The following DERL2 variants were observed in gnomAD, a reference collection of about 807,000 sequenced individuals.
DERL2 encodes derlin-2.
Under a neutral mutation model 32.0 loss-of-function variants are expected in DERL2, and 13 were observed. That is an observed-to-expected ratio of 0.41 (90% confidence interval 0.26 to 0.65). The LOEUF (loss-of-function observed/expected upper bound fraction) is 0.65, where lower values mean the gene tolerates loss of function less well. Among genes scored for constraint, DERL2 ranks in the 30% least tolerant of loss-of-function variants. The pLI, the probability that DERL2 is intolerant of heterozygous loss-of-function variation, is 0.35. For missense variants in DERL2, 208 were observed against 296.3 expected (o/e 0.70, Z 2.19); for synonymous variants, 111 against 104.7 (o/e 1.06, Z -0.37).
chr17:5,482,888 A>G lies in DERL2; in HGVS notation c.160-6T>C, dbSNP rs201457820. The G allele has an allele frequency of 4.1e-5, 55 of 1,337,994 alleles. No homozygotes were observed. Among genetic ancestry groups the G allele is most frequent in the Non-Finnish European group, 5.2e-5 (50 of 967,124 alleles). 82.9% of individuals were successfully genotyped at this position (1,337,994 alleles called of 1,614,324 possible). A position where few individuals can be genotyped will look rare whatever the true frequency, so the allele number is the denominator to read the frequency against. On this transcript the variant is annotated splice_region_variant and splice_polypyrimidine_tract_variant and intron_variant, in intron 2 of 6. Transcript: ENST00000158771. ...TTGGTGATTAATCTCCATATCTGTTAAAAAAAAATCAAGAGAAAGATGTAT... is the reference window on the plus strand; with the variant it reads ...TTGGTGATTAATCTCCATATCTGTTGAAAAAAAATCAAGAGAAAGATGTAT...
Position 5,474,600 on chromosome 17 carries a change from C to T in DERL2, c.*84G>A, listed in dbSNP as rs1305244878. 1 of 1,065,290 alleles carries T rather than the reference C, an allele frequency of 9.4e-7. No homozygotes were observed. The highest frequency in any genetic ancestry group is 1.4e-6 in the Non-Finnish European group (1 of 727,282). The allele number at this position is 1,065,290 out of a possible 1,614,324, so 66.0% of individuals were successfully genotyped here. On this transcript the variant is annotated 3_prime_UTR_variant, in exon 7 of 7. Transcript: ENST00000158771. The surrounding 1 kb of genome is among the most constrained non-coding windows in gnomAD (Gnocchi z 4.3). ...AATCTGCCAAGCTGTCAAAAGTGTCCACACTTTTGCAACAAAGGATAAAAG... is the reference window on the plus strand; with the variant it reads ...AATCTGCCAAGCTGTCAAAAGTGTCTACACTTTTGCAACAAAGGATAAAAG...
At chr17:5,485,998 A>C in intron 1 of DERL2, 71 bp downstream of exon 1, 2 of 1,458,018 alleles carry the variant, frequency 1.4e-6, no homozygotes, top group Non-Finnish European at 1.9e-6. Context: ...CCCGAGGCCC[A>C]AACCCCAGTT....
chr17:5,473,064 A>G lies in DERL2; in HGVS notation c.*1620T>C, dbSNP rs1485629382. 6.6e-6 allele frequency: 1 copy of G among 152,266 alleles called. No individual in the cohort carries two copies. Among genetic ancestry groups the G allele is most frequent in the Non-Finnish European group, 1.5e-5 (1 of 68,040 alleles). 9.4% of individuals were successfully genotyped at this position (152,266 alleles called of 1,614,324 possible). Reference sequence around the variant, plus strand: ...CATTAAAACACTTTTCACTTCAAAAACAATCTGAAAATTCCTATTTAGGAT... The same window carrying G: ...CATTAAAACACTTTTCACTTCAAAAGCAATCTGAAAATTCCTATTTAGGAT... On this transcript the variant is annotated 3_prime_UTR_variant, in exon 7 of 7. Coordinates refer to ENST00000158771, the MANE Select transcript of DERL2 (RefSeq NM_016041.5).
intron 2 of DERL2, among the ~76,000 whole-genome samples, chr17:5,483,695 T>C (rs1905953034): frequency 6.6e-6 from 1 of 152,210 alleles, no homozygotes; most frequent in African/African-American, 2.4e-5. Context: ...AAGTTGAACT[T>C]TTAAATGTCC....
chr17:5,478,883 G>A (rs1026766449), intron 6 of DERL2, among the ~76,000 whole-genome samples: 2 of 151,854 alleles, frequency 1.3e-5, no homozygotes, highest in South Asian at 2.1e-4. Flanking sequence ...GCAGTGGTGC[G>A]ATCTCGGCTC....
At chr17:5,480,321 A>T in intron 5 of DERL2, 66 bp downstream of exon 5, 1 of 1,502,272 alleles carries the variant, frequency 6.7e-7, no homozygotes, top group Non-Finnish European at 9.1e-7. Flanking sequence ...CAGAATAAAC[A>T]TGAAAAATAG....
chr17:5,474,743 G>C lies in DERL2; in HGVS notation c.661C>G (p.Leu221Val). The change falls in exon 7 of 7, where the codon CTA (leucine) becomes GTA (valine). Residue 221 changes from leucine (L) to valine (V), a missense_variant. Around this residue, in one of 3 missense-constraint regions of DERL2, gnomAD observed 40 missense variants for 38.7 expected, o/e 1.03. Coordinates refer to ENST00000158771, the MANE Select transcript of DERL2 (RefSeq NM_016041.5). The surrounding 1 kb of genome is among the most constrained non-coding windows in gnomAD (Gnocchi z 4.3). Reference protein sequence around the residue: ...TPDEDPNYNPLPEERPGGFAW... With the variant: ...TPDEDPNYNPVPEERPGGFAW... ...AAGCCTCCTGGCCGTTCCTCAGGTA[G>C]TGGATTGTAATTTGGATCCTCATCT... The C allele has an allele frequency of 6.2e-7, 1 of 1,613,936 alleles. No homozygotes were observed. The highest frequency in any genetic ancestry group is 2.2e-5 in the East Asian group (1 of 44,848).
rs1460184561 is a variant in DERL2, at chr17:5,471,494, A to C, written c.*3190T>G. The C allele has an allele frequency of 2.6e-5, 4 of 152,244 alleles. No individual in the cohort carries two copies. The highest frequency in any genetic ancestry group is 4.4e-5 in the Non-Finnish European group (3 of 68,046). The allele number at this position is 152,244 out of a possible 1,614,324, so 9.4% of individuals were successfully genotyped here. A position where few individuals can be genotyped will look rare whatever the true frequency, so the allele number is the denominator to read the frequency against. ...ATAGGGATTCAGAGACAGACAATAAAATAGGCCTTAGAGTCAAGATTTTTT... is the reference window on the plus strand; with the variant it reads ...ATAGGGATTCAGAGACAGACAATAACATAGGCCTTAGAGTCAAGATTTTTT... On this transcript the variant is annotated 3_prime_UTR_variant, in exon 7 of 7. Transcript: ENST00000158771.
At position 5,481,867 on chromosome 17, in the gene DERL2, C is replaced by T. The variant is rs1451588337; in HGVS notation, c.234-478G>A. Among the ~76,000 whole-genome samples, 1 of 152,118 alleles carries T rather than the reference C, an allele frequency of 6.6e-6. No homozygotes were observed. Among genetic ancestry groups the T allele is most frequent in the Non-Finnish European group, 1.5e-5 (1 of 68,018 alleles). On this transcript the variant is annotated intron_variant, in intron 3 of 6. Transcript: ENST00000158771. The surrounding 1 kb of genome is among the most constrained non-coding windows in gnomAD (Gnocchi z 4.4). ...GTTTCACCATGTTGGCCAGGCTGGT[C>T]TCAAACTCCTGACCTCGTGATCCAC... is the stretch of plus-strand genomic sequence containing the variant.
Position 5,486,148 on chromosome 17 carries a change from C to A in DERL2, c.14G>T (p.Ser5Ile), listed in dbSNP as rs751485746. 65 of 1,609,482 alleles carry A rather than the reference C, an allele frequency of 4.0e-5. No individual in the cohort carries two copies. Among genetic ancestry groups the A allele is most frequent in the Non-Finnish European group, 5.0e-5 (59 of 1,178,026 alleles). MAYQ[S>I]LRLEYLQIPP... ...GATCTGCAGGTACTCCAGCCGCAAG[C>A]TCTGGTACGCCATCTTCCCCACCGT... The change falls in exon 1 of 7, where the codon AGC (serine) becomes ATC (isoleucine). Residue 5 changes from serine (S) to isoleucine (I), a missense_variant. Physicochemically the swap from Ser to Ile is moderately radical, Grantham distance 142 (BLOSUM62 -2). This residue lies in a region of DERL2 where 44 missense variants were observed against 42.3 expected (regional missense o/e 1.04). Coordinates refer to ENST00000158771, the MANE Select transcript of DERL2 (RefSeq NM_016041.5).
Position 5,481,274 on chromosome 17 carries a change from C to T in DERL2, c.327+22G>A, listed in dbSNP as rs199879515. Reference sequence around the variant, plus strand: ...GCCAGGGTGTTCTTCAACATTTTCCCGTGTTGTTTGTTGAAGGATACGGTC... The same window carrying T: ...GCCAGGGTGTTCTTCAACATTTTCCTGTGTTGTTTGTTGAAGGATACGGTC... On this transcript the variant is annotated intron_variant, in intron 4 of 6. Coordinates refer to ENST00000158771, the MANE Select transcript of DERL2 (RefSeq NM_016041.5). The surrounding 1 kb of genome is among the most constrained non-coding windows in gnomAD (Gnocchi z 4.4). The T allele has an allele frequency of 7.1e-6, 11 of 1,556,216 alleles. No homozygotes were observed. The East Asian group carries it at 1.1e-4, about 16-fold the overall frequency.
chr17:5,481,057 G>A lies in DERL2; in HGVS notation c.327+239C>T, dbSNP rs569940921. 1.6e-5 allele frequency: 9 copies of A among 562,902 alleles called. No individual in the cohort carries two copies. The highest frequency in any genetic ancestry group is 2.5e-5 in the Non-Finnish European group (8 of 322,556). The allele number at this position is 562,902 out of a possible 1,614,324, so 34.9% of individuals were successfully genotyped here. ...CCAACTTAGTTTAAAAGTGAAGTAC[G>A]CCAAGCAGTAATGATATAACTGAGT... On this transcript the variant is annotated intron_variant, in intron 4 of 6. Transcript: ENST00000158771. The surrounding 1 kb of genome is among the most constrained non-coding windows in gnomAD (Gnocchi z 4.4).
chr17:5,480,917 C>G (rs1905734228), intron 4 of DERL2: 1 of 484,172 alleles, frequency 2.1e-6, no homozygotes, highest in East Asian at 3.3e-5. Flanking sequence ...ATAAAGCTAG[C>G]TGGAACAAAA....
rs1034989977 is a variant in DERL2, at chr17:5,472,822, A to G, written c.*1862T>C. The G allele has an allele frequency of 6.6e-6, 1 of 152,192 alleles. No homozygotes were observed. The highest frequency in any genetic ancestry group is 2.4e-5 in the African/African-American group (1 of 41,464). 9.4% of individuals were successfully genotyped at this position (152,192 alleles called of 1,614,324 possible). The stretch of plus-strand genomic sequence containing the variant: ...AAATTCTAACAAACGTCACTGATAA[A>G]GCGTTCTTGAGCAAAAACAAGATAG... On this transcript the variant is annotated 3_prime_UTR_variant, in exon 7 of 7. Coordinates refer to ENST00000158771, the MANE Select transcript of DERL2 (RefSeq NM_016041.5).
At position 5,481,531 on chromosome 17, in the gene DERL2, T is replaced by C. The variant is rs1905782559; in HGVS notation, c.234-142A>G. On this transcript the variant is annotated intron_variant, in intron 3 of 6. Coordinates refer to ENST00000158771, the MANE Select transcript of DERL2 (RefSeq NM_016041.5). The surrounding 1 kb of genome is among the most constrained non-coding windows in gnomAD (Gnocchi z 4.4). Reference sequence around the variant, plus strand: ...TTGTATAAGAATGTTTGAGTGGTAATGTGATTACTTTTTTACCAAGCATTT... The same window carrying C: ...TTGTATAAGAATGTTTGAGTGGTAACGTGATTACTTTTTTACCAAGCATTT... The C allele has an allele frequency of 1.5e-6, 1 of 646,602 alleles. No homozygotes were observed. Among genetic ancestry groups the C allele is most frequent in the African/African-American group, 1.8e-5 (1 of 54,576 alleles). The allele number at this position is 646,602 out of a possible 1,614,324, so 40.1% of individuals were successfully genotyped here. A position where few individuals can be genotyped will look rare whatever the true frequency, so the allele number is the denominator to read the frequency against.
At chr17:5,482,157 CTT>C (rs1234199643) in intron 3 of DERL2, 1 of 152,232 alleles carries the variant, frequency 6.6e-6, no homozygotes, top group Non-Finnish European at 1.5e-5. Context: ...TTAATGGAAA[CTT>C]ATCAGAATGA....
At chr17:5,484,762 T>C in intron 2 of DERL2, among the ~76,000 whole-genome samples, 1 of 152,212 alleles carries the variant, frequency 6.6e-6, no homozygotes, top group East Asian at 1.9e-4. Context: ...AATAAGGCCA[T>C]CCCTGTGAGA....
intron 6 of DERL2, among the ~76,000 whole-genome samples, chr17:5,478,150 G>C (rs758846958): frequency 6.6e-6 from 1 of 152,124 alleles, no homozygotes; most frequent in African/African-American, 2.4e-5. Flanking sequence ...GATCACCTGA[G>C]GACTGGAGTT....
intron 6 of DERL2, among the ~76,000 whole-genome samples, chr17:5,479,684 A>G (rs1443837491): frequency 5.0e-4 from 76 of 152,146 alleles, no homozygotes; most frequent in Non-Finnish European, 1.5e-5. Context: ...TTGGCAGGCC[A>G]CAAAGTCCAC....
Sources: gnomAD v4.1 joint callset for allele counts (sites outside exome capture counted in the v4.1 genomes callset) on GRCh38, gnomAD v4.1.1 for gene constraint, gnomAD v4.1.1 regional missense constraint, Gnocchi (gnomAD v3.1) non-coding constraint, MANE v1.5 for transcripts, NCBI Gene and HGNC (gene_info 2026-07-23, HGNC 2026-07-21) for gene names.